Variants in ZNF385D observed in about 807,000 individuals in gnomAD.
ZNF385D encodes the protein zinc finger protein 659.
In ZNF385D, 15 loss-of-function variants were observed where a neutral mutation model predicts 35.8. The observed-to-expected ratio is 0.42, with a 90% confidence interval of 0.28 to 0.64. The LOEUF (loss-of-function observed/expected upper bound fraction) is 0.64, where lower values mean the gene tolerates loss of function less well. Among genes scored for constraint, ZNF385D ranks in the 30% least tolerant of loss-of-function variants. The pLI, the probability that ZNF385D is intolerant of heterozygous loss-of-function variation, is 0.23. For synonymous variants in ZNF385D, 212 were observed against 186.8 expected (o/e 1.13, Z -1.10); for missense variants, 474 against 494.6 (o/e 0.96, Z 0.39).
At position 21,417,520 on chromosome 3, in the gene ZNF385D, C is replaced by G. The variant is rs576926043; in HGVS notation, c.*3694G>C. On this transcript the variant is annotated 3_prime_UTR_variant, in exon 8 of 8. Coordinates refer to ENST00000281523, the MANE Select transcript of ZNF385D (RefSeq NM_024697.3). ...ACAGGCCTATATACCACTTCAGTTA[C>G]CTTTTAGCTTTCTGATCTGATTTCT... 1 of 152,024 alleles carries G rather than the reference C, an allele frequency of 6.6e-6. No individual in the cohort carries two copies. The highest frequency in any genetic ancestry group is 2.4e-5 in the African/African-American group (1 of 41,408). 9.4% of individuals were successfully genotyped at this position (152,024 alleles called of 1,614,324 possible). A position where few individuals can be genotyped will look rare whatever the true frequency, so the allele number is the denominator to read the frequency against.
At chr3:21,572,704 T>C (rs535671032) in intron 2 of ZNF385D, among the ~76,000 whole-genome samples, 2 of 152,300 alleles carry the variant, frequency 1.3e-5, no homozygotes, top group African/African-American at 4.8e-5. Context: ...CTGACCCTTA[T>C]GATGAGTGAG....
intron 3 of ZNF385D, among the ~76,000 whole-genome samples, chr3:21,971,477 G>A (rs1703253686): frequency 6.6e-6 from 1 of 150,924 alleles, no homozygotes; most frequent in Non-Finnish European, 1.5e-5. Context: ...AAAAAATAAT[G>A]GATACACAAA....
At chr3:22,270,657 G>A (rs764651463) in intron 2 of ZNF385D, among the ~76,000 whole-genome samples, 4 of 149,794 alleles carry the variant, frequency 2.7e-5, no homozygotes, top group Non-Finnish European at 4.4e-5. Context: ...CATGATGTGA[G>A]ATCTTTACTT....
At chr3:21,798,370 G>T (rs564619753) in intron 3 of ZNF385D, among the ~76,000 whole-genome samples, 1 of 152,110 alleles carries the variant, frequency 6.6e-6, no homozygotes, top group Non-Finnish European at 1.5e-5. Flanking sequence ...CAAATCCAGA[G>T]GTCTGTACGA....
intron 3 of ZNF385D, among the ~76,000 whole-genome samples, chr3:22,125,978 CTTG>C (rs766234984): frequency 9.6e-4 from 146 of 152,150 alleles, no homozygotes; most frequent in Admixed American, 3.0e-3. Context: ...AGTGGGCATC[CTTG>C]TTGTGTTCCA....
At chr3:21,711,039 G>GGTTTTTT (rs2068081805) in intron 1 of ZNF385D, among the ~76,000 whole-genome samples, 1 of 83,154 alleles carries the variant, frequency 1.2e-5, no homozygotes, top group African/African-American at 5.1e-5. Context: ...CCCTCTAAAA[G>GGTTTTTT]TTTTTTTTTT....
chr3:21,480,444 A>G (rs917297925), intron 4 of ZNF385D, among the ~76,000 whole-genome samples: 15 of 152,174 alleles, frequency 9.9e-5, no homozygotes, highest in Admixed American at 7.2e-4. Context: ...TGTGTGGGAA[A>G]AAGGAACCCC....
chr3:22,248,071 C>T (rs1232446781), intron 2 of ZNF385D, among the ~76,000 whole-genome samples: 1 of 152,122 alleles, frequency 6.6e-6, no homozygotes, highest in South Asian at 2.1e-4. Context: ...AGCCCTCAAT[C>T]AAGCTGATGT....
intron 3 of ZNF385D, among the ~76,000 whole-genome samples, chr3:21,545,974 C>CA (rs1438817116): frequency 2.0e-5 from 3 of 152,112 alleles, no homozygotes; most frequent in Admixed American, 6.5e-5. Flanking sequence ...AAAGCCAATA[C>CA]AAAAGGCCTT....
At chr3:22,005,056 C>CAAAAAAAA (rs71044965) in intron 3 of ZNF385D, among the ~76,000 whole-genome samples, 15 of 57,370 alleles carry the variant, frequency 2.6e-4, no homozygotes, top group Non-Finnish European at 3.2e-4. Flanking sequence ...CACTCAGCAG[C>CAAAAAAAA]AAAAAAAAAA....
At chr3:22,019,996 C>T (rs1323737713) in intron 3 of ZNF385D, among the ~76,000 whole-genome samples, 1 of 151,792 alleles carries the variant, frequency 6.6e-6, no homozygotes, top group Non-Finnish European at 1.5e-5. Flanking sequence ...AATAAAATGA[C>T]TGCATAAATG....
chr3:22,311,896 A>T (rs549550046), intron 2 of ZNF385D, among the ~76,000 whole-genome samples: 3 of 152,266 alleles, frequency 2.0e-5, no homozygotes, highest in African/African-American at 7.2e-5. Context: ...CAAGTGGCAT[A>T]CTTGCCTTTA....
intron 3 of ZNF385D, among the ~76,000 whole-genome samples, chr3:21,929,294 G>C (rs1055626743): frequency 6.6e-6 from 1 of 151,794 alleles, no homozygotes; most frequent in Non-Finnish European, 1.5e-5. Context: ...CAACAAACTA[G>C]GGATTAAAAA....
At chr3:21,790,395 G>T (rs778045704) in intron 3 of ZNF385D, among the ~76,000 whole-genome samples, 50 of 152,184 alleles carry the variant, frequency 3.3e-4, no homozygotes, top group Middle Eastern at 3.4e-3. Context: ...TACTTATGTA[G>T]AACTAACACA....
intron 3 of ZNF385D, among the ~76,000 whole-genome samples, chr3:22,156,897 C>G (rs1248966305): frequency 6.6e-6 from 1 of 152,104 alleles, no homozygotes; most frequent in Non-Finnish European, 1.5e-5. Flanking sequence ...TTGCTTTACC[C>G]ACTTCATTTA....
At chr3:22,120,544 A>G (rs1306262920) in intron 3 of ZNF385D, among the ~76,000 whole-genome samples, 4 of 152,164 alleles carry the variant, frequency 2.6e-5, no homozygotes, top group Non-Finnish European at 5.9e-5. Flanking sequence ...CTTAATACAC[A>G]GCACAACACT....
intron 2 of ZNF385D, among the ~76,000 whole-genome samples, chr3:21,621,158 A>C (rs1411899913): frequency 6.6e-6 from 1 of 152,004 alleles, no homozygotes; most frequent in African/African-American, 2.4e-5. Flanking sequence ...CTTGCTGCAA[A>C]TACTGGGTGG....
chr3:21,960,285 T>G (rs1203178243), intron 3 of ZNF385D, among the ~76,000 whole-genome samples: 2 of 151,320 alleles, frequency 1.3e-5, no homozygotes, highest in African/African-American at 2.4e-5. Context: ...AAATAAACAT[T>G]TCTCAAAAGA....
At chr3:21,514,451 C>G (rs1036684488) in intron 3 of ZNF385D, among the ~76,000 whole-genome samples, 2 of 152,042 alleles carry the variant, frequency 1.3e-5, no homozygotes, top group Non-Finnish European at 2.9e-5. Context: ...AAGCTACCTC[C>G]TACCTATCTT....
Sources: allele counts gnomAD v4.1 joint callset (sites outside exome capture counted in the v4.1 genomes callset), GRCh38; gene constraint gnomAD v4.1.1; transcripts MANE v1.5; gene names NCBI Gene and HGNC (gene_info 2026-07-23, HGNC 2026-07-21).